The following TENM2 variants were observed in gnomAD, a reference collection of about 807,000 sequenced individuals.
The protein encoded by TENM2 is teneurin-2.
A neutral mutation model predicts 245.2 loss-of-function variants in TENM2; 52 were observed. The ratio of observed to expected loss-of-function variants is 0.21; its 90% CI spans 0.17 to 0.27. The LOEUF (loss-of-function observed/expected upper bound fraction) is 0.27. Ranked by LOEUF, TENM2 falls within the 10% of genes least tolerant of loss-of-function variation. The probability of loss-of-function intolerance (pLI) is 1.00; values close to 1 mark genes in which losing one functional copy is unlikely to be tolerated. For missense variants in TENM2, 3,046 were observed against 3,666.8 expected (o/e 0.83, Z 4.37); for synonymous variants, 1,363 against 1,438.9 (o/e 0.95, Z 1.19).
intron 2 of TENM2, among the ~76,000 whole-genome samples, chr5:167,432,016 G>A (rs1277661778): frequency 8.4e-6 from 1 of 119,306 alleles, no homozygotes; most frequent in Non-Finnish European, 1.8e-5. Context: ...AATTTTAAGT[G>A]TATATCTACA....
chr5:168,042,048 C>T (rs958447313), intron 5 of TENM2, among the ~76,000 whole-genome samples: 1 of 152,124 alleles, frequency 6.6e-6, no homozygotes, highest in East Asian at 1.9e-4. Flanking sequence ...CCAGGAGCCC[C>T]GACATTGTTG....
chr5:168,058,928 A>T (rs770607785), intron 6 of TENM2, among the ~76,000 whole-genome samples: 1 of 152,190 alleles, frequency 6.6e-6, no homozygotes, highest in Non-Finnish European at 1.5e-5. Flanking sequence ...TACAAAAAAA[A>T]AGGACTGGAA....
intron 2 of TENM2, among the ~76,000 whole-genome samples, chr5:167,587,340 C>T (rs1775577939): frequency 6.6e-6 from 1 of 152,022 alleles, no homozygotes; most frequent in Admixed American, 6.6e-5. Flanking sequence ...TGAAGATAAA[C>T]AAATAAGGTA....
chr5:167,492,429 G>A (rs767043364), intron 2 of TENM2, among the ~76,000 whole-genome samples: 6 of 152,148 alleles, frequency 3.9e-5, no homozygotes, highest in African/African-American at 1.4e-4. Context: ...TAATGCATGC[G>A]ATGGGCTGAG....
chr5:168,056,573 G>A (rs1210586322), intron 6 of TENM2, among the ~76,000 whole-genome samples: 4 of 152,160 alleles, frequency 2.6e-5, no homozygotes, highest in African/African-American at 9.7e-5. Context: ...CATCTTAGCT[G>A]TCCAAATGTT....
intron 3 of TENM2, among the ~76,000 whole-genome samples, chr5:167,906,367 A>G (rs1474161437): frequency 1.3e-5 from 2 of 152,318 alleles, no homozygotes; most frequent in East Asian, 1.9e-4. Context: ...CCTAAGGTGC[A>G]AGCCTGCTCT....
chr5:167,831,583 A>AACAATACC (rs1429093067), intron 2 of TENM2, among the ~76,000 whole-genome samples: 3 of 151,928 alleles, frequency 2.0e-5, no homozygotes, highest in Non-Finnish European at 4.4e-5. Context: ...CATGTCAGAA[A>AACAATACC]ACAATACCAA....
At chr5:166,979,301 G>C in the TENM2 span, among the ~76,000 whole-genome samples, 2 of 152,012 alleles carry the variant, frequency 1.3e-5, no homozygotes, top group Non-Finnish European at 2.9e-5. Flanking sequence ...AGCACCGTTT[G>C]GGGAGTCCGG....
chr5:167,233,313 TG>T, the TENM2 span, among the ~76,000 whole-genome samples: 2 of 151,654 alleles, frequency 1.3e-5, no homozygotes, highest in Non-Finnish European at 2.9e-5. Context: ...TCATTGTATG[TG>T]TAGCTAGAGG....
chr5:167,090,165 GTATTT>G, the TENM2 span, among the ~76,000 whole-genome samples: 2 of 151,388 alleles, frequency 1.3e-5, no homozygotes, highest in South Asian at 2.1e-4. Context: ...CCATTCTAGT[GTATTT>G]TCTTTAAAAA....
At chr5:167,929,109 GA>G in intron 3 of TENM2, among the ~76,000 whole-genome samples, 7 of 80,844 alleles carry the variant, frequency 8.7e-5, no homozygotes, top group Admixed American at 1.5e-4. Context: ...AAGAAAGAAA[GA>G]AAGAAAGAAA....
intron 2 of TENM2, among the ~76,000 whole-genome samples, chr5:167,569,078 CTTTTTTTTTTTTTTTTTT>C (rs34311803): frequency 4.1e-5 from 2 of 48,952 alleles, no homozygotes; most frequent in African/African-American, 9.3e-5. Context: ...CTTCCTACAG[CTTTTTTTTTTTTTTTTTT>C]TTTTTTTTTT....
At chr5:167,082,636 G>C in the TENM2 span, among the ~76,000 whole-genome samples, 1 of 152,084 alleles carries the variant, frequency 6.6e-6, no homozygotes, top group Non-Finnish European at 1.5e-5. Context: ...GTTACTTCAA[G>C]AAGAGTATCT....
intron 2 of TENM2, chr5:167,755,225 T>G: frequency 1.9e-6 from 3 of 1,538,696 alleles, no homozygotes; most frequent in Non-Finnish European, 2.7e-6. Flanking sequence ...CAGATGGGGT[T>G]TTGCAAGCAC....
chr5:167,231,049 A>G, the TENM2 span, among the ~76,000 whole-genome samples: 1 of 152,294 alleles, frequency 6.6e-6, no homozygotes, highest in East Asian at 1.9e-4. Flanking sequence ...CTGCCCATGA[A>G]GAGGTGCCTT....
chr5:167,781,795 T>C (rs1016010552), intron 2 of TENM2, among the ~76,000 whole-genome samples: 14 of 148,086 alleles, frequency 9.5e-5, no homozygotes, highest in Non-Finnish European at 1.5e-4. Flanking sequence ...GGAGGCCAGA[T>C]GGCTTGAGTC....
At chr5:167,448,343 T>C (rs1765357950) in intron 2 of TENM2, among the ~76,000 whole-genome samples, 1 of 152,014 alleles carries the variant, frequency 6.6e-6, no homozygotes, top group Non-Finnish European at 1.5e-5. Context: ...TTCTATTTTA[T>C]TGTGGCTCGA....
At chr5:167,388,041 A>G (rs1761544139) in intron 2 of TENM2, among the ~76,000 whole-genome samples, 1 of 152,024 alleles carries the variant, frequency 6.6e-6, no homozygotes, top group Non-Finnish European at 1.5e-5. Context: ...ATAGAATAAT[A>G]TAGGGAGGTT....
chr5:167,676,485 A>C (rs1005663673), intron 2 of TENM2, among the ~76,000 whole-genome samples: 27 of 152,128 alleles, frequency 1.8e-4, no homozygotes, highest in Non-Finnish European at 1.0e-4. Flanking sequence ...TACTTTGACA[A>C]ATCAGAAAAT....
Sources: gnomAD v4.1 joint callset for allele counts (sites outside exome capture counted in the v4.1 genomes callset) on GRCh38, gnomAD v4.1.1 for gene constraint, MANE v1.5 for transcripts, NCBI Gene and HGNC (gene_info 2026-07-23, HGNC 2026-07-21) for gene names.